Variants in SHISAL2A observed in about 807,000 individuals in gnomAD.
The protein encoded by SHISAL2A is shisa like 2A, also known as protein shisa-like-2A.
A neutral mutation model predicts 11.5 loss-of-function variants in SHISAL2A; 18 were observed. That is an observed-to-expected ratio of 1.57 (90% CI 1.08 to 2.33). SHISAL2A has a LOEUF of 2.33. SHISAL2A is among the 30% of genes most tolerant of loss of function. SHISAL2A has a pLI of 0.00. For missense variants in SHISAL2A, 261 were observed against 250.9 expected, an observed-to-expected ratio of 1.04 and a Z score of -0.27; for synonymous variants, 94 against 99.6, an observed-to-expected ratio of 0.94 and a Z score of 0.34.
At chr1:52,632,930 A>T (rs2149868404), upstream of SHISAL2A, among the ~76,000 whole-genome samples, 1 of 151,576 alleles carries the variant, frequency 6.6e-6, no homozygotes, top group Non-Finnish European at 1.5e-5. Context: ...AGGTTGGGTG[A>T]GGTTGTGTTC....
chr1:52,653,910 AT>A (rs1468621233), intron 2 of SHISAL2A, among the ~76,000 whole-genome samples: 3 of 152,044 alleles, frequency 2.0e-5, no homozygotes, highest in African/African-American at 7.2e-5. Context: ...TTTCTGTTCC[AT>A]TTTATGAAGT....
chr1:52,666,151 T>C (rs1475119473), intron 4 of SHISAL2A, among the ~76,000 whole-genome samples: 1 of 152,192 alleles, frequency 6.6e-6, no homozygotes, highest in Non-Finnish European at 1.5e-5. Flanking sequence ...AGTAAAGTGA[T>C]ATCTAAATGC....
chr1:52,649,087 G>C (rs1691568355), intron 2 of SHISAL2A, among the ~76,000 whole-genome samples: 1 of 152,118 alleles, frequency 6.6e-6, no homozygotes, highest in Non-Finnish European at 1.5e-5. Context: ...TCAGCTCTTA[G>C]TTCCTACCCT....
intron 2 of SHISAL2A, among the ~76,000 whole-genome samples, chr1:52,646,393 G>T (rs1338079911): frequency 1.3e-5 from 2 of 151,738 alleles, no homozygotes; most frequent in Non-Finnish European, 2.9e-5. Context: ...GAAAAGATTG[G>T]CAAATGTCCC....
chr1:52,644,143 T>TCA (rs139579531), intron 2 of SHISAL2A, among the ~76,000 whole-genome samples: 2,459 of 152,194 alleles, frequency 0.016, 66 homozygotes, highest in African/African-American at 0.056. Context: ...CTGCCTCGAG[T>TCA]CACCATACTG....
At chr1:52,653,110 A>G (rs1462584128) in intron 2 of SHISAL2A, among the ~76,000 whole-genome samples, 1 of 150,974 alleles carries the variant, frequency 6.6e-6, no homozygotes, top group Non-Finnish European at 1.5e-5. Flanking sequence ...CAATAATACC[A>G]TTTACAGTTA....
intron 2 of SHISAL2A, among the ~76,000 whole-genome samples, chr1:52,643,417 T>A (rs549694829): frequency 8.3e-4 from 126 of 152,348 alleles, no homozygotes; most frequent in Middle Eastern, 3.4e-3. Context: ...TGCGTTTTTT[T>A]AAATAATCTG....
chr1:52,663,959 A>C (rs1246788395), intron 4 of SHISAL2A, among the ~76,000 whole-genome samples: 1 of 152,238 alleles, frequency 6.6e-6, no homozygotes, highest in Non-Finnish European at 1.5e-5. Context: ...GATTATGCTG[A>C]TGCAACAATG....
intron 2 of SHISAL2A, among the ~76,000 whole-genome samples, chr1:52,653,111 T>C (rs1691709186): frequency 6.7e-6 from 1 of 149,976 alleles, no homozygotes; most frequent in African/African-American, 2.5e-5. Context: ...AATAATACCA[T>C]TTACAGTTAC....
At chr1:52,664,448 C>T (rs1415516761) in intron 4 of SHISAL2A, among the ~76,000 whole-genome samples, 3 of 151,972 alleles carry the variant, frequency 2.0e-5, no homozygotes, top group East Asian at 3.9e-4. Flanking sequence ...CTCCACCTCC[C>T]GGGTTCAAGC....
At chr1:52,648,716 T>C (rs77310344) in intron 2 of SHISAL2A, among the ~76,000 whole-genome samples, 1,925 of 152,292 alleles carry the variant, frequency 0.013, 13 homozygotes, top group South Asian at 0.047. Flanking sequence ...TAGCTTGTGA[T>C]TGTGGAGCTG....
chr1:52,634,030 G>GCCCAAATCCAC (rs1157909770), intron 1 of SHISAL2A, among the ~76,000 whole-genome samples: 2 of 151,688 alleles, frequency 1.3e-5, no homozygotes, highest in East Asian at 3.9e-4. Flanking sequence ...TTCACAGGCA[G>GCCCAAATCCAC]CCCAACTCCA....
chr1:52,663,554 A>T (rs1222638852), intron 4 of SHISAL2A, among the ~76,000 whole-genome samples: 1 of 152,212 alleles, frequency 6.6e-6, no homozygotes, highest in African/African-American at 2.4e-5. Context: ...TAAGGTCATG[A>T]GGTCGAGACC....
intron 4 of SHISAL2A, among the ~76,000 whole-genome samples, chr1:52,666,603 T>C (rs1481507379): frequency 6.6e-6 from 1 of 151,926 alleles, no homozygotes; most frequent in African/African-American, 2.4e-5. Context: ...TGTGTGTGTC[T>C]ATAGTTTTTT....
intron 1 of SHISAL2A, among the ~76,000 whole-genome samples, chr1:52,636,439 A>G (rs532998945): frequency 6.6e-6 from 1 of 150,718 alleles, no homozygotes; most frequent in Non-Finnish European, 1.5e-5. Flanking sequence ...ACTTCCTAGT[A>G]TTTTCTCTCA....
At chr1:52,657,614 G>A (rs1241283861), downstream of SHISAL2A, among the ~76,000 whole-genome samples, 2 of 152,174 alleles carry the variant, frequency 1.3e-5, no homozygotes, top group African/African-American at 4.8e-5. Context: ...TAGAGCTTTG[G>A]GAGGACAAGG....
chr1:52,661,520 C>G (rs1206829633), downstream of SHISAL2A, among the ~76,000 whole-genome samples: 1 of 152,242 alleles, frequency 6.6e-6, no homozygotes, highest in African/African-American at 2.4e-5. Context: ...CAAAGCCAGG[C>G]TGCAGGCCAC....
rs771476386 is a variant in SHISAL2A at position 52,656,774 on chromosome 1, GT to G, written c.323-13del. The G allele has an allele frequency of 9.4e-6, 15 of 1,589,234 alleles. No individual in the cohort carries two copies. Among genetic ancestry groups the G allele is most frequent in the Non-Finnish European group, 1.2e-5 (14 of 1,165,658 alleles). Reference sequence around the variant, plus strand: ...GGAAGAAGAGAGCCACACACCCTCAGTTTGCTGTTTTCCAGGCCCTGAGGAG... The same window carrying G: ...GGAAGAAGAGAGCCACACACCCTCAGTTGCTGTTTTCCAGGCCCTGAGGAG... On this transcript the variant is annotated splice_polypyrimidine_tract_variant and intron_variant, in intron 2 of 2. Transcript: ENST00000517870.
chr1:52,643,767 C>T (rs931525090), intron 2 of SHISAL2A, among the ~76,000 whole-genome samples: 1 of 152,134 alleles, frequency 6.6e-6, no homozygotes, highest in Admixed American at 6.5e-5. Flanking sequence ...GCAGGAGAAT[C>T]GCTTGAACCT....
Sources: allele counts gnomAD v4.1 joint callset (sites outside exome capture counted in the v4.1 genomes callset), GRCh38; gene constraint gnomAD v4.1.1; transcripts MANE v1.5; gene names NCBI Gene and HGNC (gene_info 2026-07-23, HGNC 2026-07-21).